The following ZFPM2 variants were observed in gnomAD, a reference collection of about 807,000 sequenced individuals.
ZFPM2 encodes the protein zinc finger protein ZFPM2.
ZFPM2 carries 20 observed loss-of-function variants against 98.6 expected under a neutral mutation model. The ratio of observed to expected loss-of-function variants is 0.20; its 90% CI spans 0.14 to 0.29. The LOEUF (loss-of-function observed/expected upper bound fraction) is 0.29, where lower values mean the gene tolerates loss of function less well. Among genes scored for constraint, ZFPM2 ranks in the 10% least tolerant of loss-of-function variants. ZFPM2 has a pLI of 1.00. For missense variants in ZFPM2, 1,310 were observed against 1,388.6 expected (o/e 0.94, Z 0.90); for synonymous variants, 518 against 502.7 (o/e 1.03, Z -0.41).
At chr8:105,523,363 A>G (rs1814103726) in intron 3 of ZFPM2, among the ~76,000 whole-genome samples, 1 of 152,208 alleles carries the variant, frequency 6.6e-6, no homozygotes. Context: ...GCAGATCCAG[A>G]GTACAAAATG....
intron 5 of ZFPM2, among the ~76,000 whole-genome samples, chr8:105,731,312 A>G (rs1408266441): frequency 6.6e-6 from 1 of 151,352 alleles, no homozygotes; most frequent in African/African-American, 2.4e-5. Context: ...ACCATACTAT[A>G]CAGTTTCCTC....
At chr8:105,785,214 C>G (rs911317998) in intron 5 of ZFPM2, 2 of 152,126 alleles carry the variant, frequency 1.3e-5, no homozygotes, top group Non-Finnish European at 2.9e-5. Context: ...GTTCCATCTT[C>G]CTCCTAGATA....
chr8:105,670,519 A>T (rs1817574960), intron 5 of ZFPM2, among the ~76,000 whole-genome samples: 1 of 149,996 alleles, frequency 6.7e-6, no homozygotes, highest in East Asian at 2.0e-4. Context: ...AAAAAAAAAA[A>T]GCTGAAACTA....
intron 4 of ZFPM2, among the ~76,000 whole-genome samples, chr8:105,606,096 A>AT (rs776790508): frequency 1.3e-5 from 2 of 152,140 alleles, no homozygotes; most frequent in Non-Finnish European, 2.9e-5. Flanking sequence ...ATTCTCACAT[A>AT]TTTTTATTTA....
chr8:105,677,377 C>T (rs371180477), intron 5 of ZFPM2, among the ~76,000 whole-genome samples: 25 of 152,174 alleles, frequency 1.6e-4, no homozygotes, highest in Non-Finnish European at 2.9e-4. Flanking sequence ...TGCCCAAGGT[C>T]ACAAGGCAAA....
chr8:105,800,409 T>TTTG (rs1554582895), intron 7 of ZFPM2, among the ~76,000 whole-genome samples: 2 of 151,936 alleles, frequency 1.3e-5, no homozygotes, highest in African/African-American at 4.8e-5. Context: ...AATGACTATA[T>TTTG]TAGTGTACTG....
intron 1 of ZFPM2, among the ~76,000 whole-genome samples, chr8:105,403,375 T>A (rs1811377644): frequency 6.6e-6 from 1 of 152,118 alleles, no homozygotes; most frequent in African/African-American, 2.4e-5. Flanking sequence ...ATTCTCATGC[T>A]GTTTGTCATA....
intron 4 of ZFPM2, among the ~76,000 whole-genome samples, chr8:105,627,309 G>A (rs1816677051): frequency 6.6e-6 from 1 of 152,086 alleles, no homozygotes; most frequent in African/African-American, 2.4e-5. Context: ...TCCTTGTCAA[G>A]TTTGTCTAGT....
chr8:105,533,185 A>G (rs1358623060), intron 3 of ZFPM2, among the ~76,000 whole-genome samples: 2 of 152,202 alleles, frequency 1.3e-5, no homozygotes, highest in Non-Finnish European at 2.9e-5. Context: ...CCACTGGAGC[A>G]AAGTAGACTG....
chr8:105,428,321 A>G (rs908551203), intron 2 of ZFPM2, among the ~76,000 whole-genome samples: 1 of 152,330 alleles, frequency 6.6e-6, no homozygotes, highest in Admixed American at 6.5e-5. Flanking sequence ...TGAATTAGGG[A>G]TGTTCTTAAA....
At chr8:105,604,092 A>G (rs775909137) in intron 4 of ZFPM2, among the ~76,000 whole-genome samples, 1 of 152,024 alleles carries the variant, frequency 6.6e-6, no homozygotes, top group Non-Finnish European at 1.5e-5. Context: ...TCACTGTATC[A>G]CAATAGAGAT....
In ZFPM2 at chr8:105,662,138, G is replaced by A. The variant is rs187498626; in HGVS notation, c.532+27781G>A. ...ACAACACGCGTGATGGAGGAGGCAG[G>A]GAGGCTGGGCTCAGGAATGCGGAGG... On this transcript the variant is annotated intron_variant, in intron 5 of 7. Transcript: ENST00000407775. Among the ~76,000 whole-genome samples the A allele has an allele frequency of 5.9e-5, 9 of 152,246 alleles. No homozygotes were observed. In the East Asian group the frequency reaches 1.5e-3, roughly 26 times the overall value.
intron 5 of ZFPM2, among the ~76,000 whole-genome samples, chr8:105,749,107 T>C (rs1812416554): frequency 6.6e-6 from 1 of 152,046 alleles, no homozygotes; most frequent in Non-Finnish European, 1.5e-5. Flanking sequence ...CATGGTGATA[T>C]TAATAATGAA....
At chr8:105,691,294 T>G (rs1402574670) in intron 5 of ZFPM2, among the ~76,000 whole-genome samples, 3 of 105,492 alleles carry the variant, frequency 2.8e-5, no homozygotes. Flanking sequence ...CAGGCCGGAC[T>G]GCGGACTGCA....
intron 2 of ZFPM2, among the ~76,000 whole-genome samples, chr8:105,433,035 G>A (rs1812050337): frequency 1.3e-5 from 2 of 152,096 alleles, no homozygotes; most frequent in Non-Finnish European, 1.5e-5. Context: ...AGGAGTTCAA[G>A]GTTACAGTGA....
chr8:105,350,014 T>A lies in ZFPM2; in HGVS notation c.40+31033T>A, dbSNP rs112457676. On this transcript the variant is annotated intron_variant, in intron 1 of 7. Coordinates refer to ENST00000407775, the MANE Select transcript of ZFPM2 (RefSeq NM_012082.4). The stretch of plus-strand genomic sequence containing the variant: ...TGAAATGACTCAATTAGTGCAATAG[T>A]TTTTTTACGTTTTTAAGGTTTTCTT... 8.5e-5 allele frequency among the ~76,000 whole-genome samples: 13 copies of A among 152,282 alleles called. 1 individual carries two copies. In the Middle Eastern group the frequency reaches 0.01, roughly 120 times the overall value.
intron 3 of ZFPM2, among the ~76,000 whole-genome samples, chr8:105,489,347 G>A (rs537148620): frequency 4.3e-4 from 62 of 142,870 alleles, no homozygotes; most frequent in Middle Eastern, 3.7e-3. Context: ...TATGTAAAAC[G>A]TTATATATAT....
chr8:105,600,507 A>C (rs1816070357), intron 4 of ZFPM2, among the ~76,000 whole-genome samples: 1 of 152,082 alleles, frequency 6.6e-6, no homozygotes, highest in Non-Finnish European at 1.5e-5. Flanking sequence ...ATTAATCAAA[A>C]GTTTCCCTTC....
At chr8:105,799,824 G>A (rs1245126265) in intron 7 of ZFPM2, among the ~76,000 whole-genome samples, 4 of 152,100 alleles carry the variant, frequency 2.6e-5, no homozygotes, top group Non-Finnish European at 5.9e-5. Context: ...AGTGGTCTTT[G>A]CCTAGATTAA....
Sources: gnomAD v4.1 joint callset for allele counts (sites outside exome capture counted in the v4.1 genomes callset) on GRCh38, gnomAD v4.1.1 for gene constraint, MANE v1.5 for transcripts, NCBI Gene and HGNC (gene_info 2026-07-23, HGNC 2026-07-21) for gene names.